MLF1: variants seen among roughly 807,000 people sequenced by gnomAD.
MLF1 encodes myelodysplasia-myeloid leukemia factor 1.
In MLF1, 37 loss-of-function variants were observed where a neutral mutation model predicts 38.3. That is an observed-to-expected ratio of 0.96 (90% confidence interval 0.74 to 1.27). MLF1 has a LOEUF of 1.27. Among genes scored for constraint, MLF1 ranks in the 50% most tolerant of loss-of-function variants. The pLI, the probability that MLF1 is intolerant of heterozygous loss-of-function variation, is 0.00. For synonymous variants in MLF1, 95 were observed against 106.5 expected (o/e 0.89, Z 0.66); for missense variants, 331 against 349.2 (o/e 0.95, Z 0.42).
intron 6 of MLF1, among the ~76,000 whole-genome samples, chr3:158,601,630 G>A (rs147798553): frequency 2.6e-5 from 4 of 151,410 alleles, no homozygotes; most frequent in South Asian, 4.2e-4. Flanking sequence ...GGTGGCCCGC[G>A]CCTGTAATCC....
intron 1 of MLF1, among the ~76,000 whole-genome samples, chr3:158,576,108 T>C (rs971080593): frequency 1.3e-5 from 2 of 152,196 alleles, no homozygotes; most frequent in African/African-American, 4.8e-5. Flanking sequence ...TAACAGTGCA[T>C]CTTAAATGTT....
chr3:158,575,198 A>G (rs1022913134), intron 1 of MLF1, among the ~76,000 whole-genome samples: 1 of 152,304 alleles, frequency 6.6e-6, no homozygotes. Flanking sequence ...GCAAGGAGCC[A>G]TATCATAAAA....
chr3:158,584,813 A>G (rs1716979762), intron 1 of MLF1, among the ~76,000 whole-genome samples: 1 of 151,906 alleles, frequency 6.6e-6, no homozygotes, highest in East Asian at 1.9e-4. Context: ...GCCACACGTA[A>G]AATACACTAA....
intron 1 of MLF1, among the ~76,000 whole-genome samples, chr3:158,591,946 A>T (rs1298592806): frequency 6.6e-6 from 1 of 152,184 alleles, no homozygotes; most frequent in African/African-American, 2.4e-5. Context: ...TAACGATAAG[A>T]TTACATTCCA....
In MLF1 at chr3:158,579,426, G is replaced by T. The variant is rs537402156; in HGVS notation, c.47+8079G>T. On this transcript the variant is annotated intron_variant, in intron 1 of 7. Coordinates refer to ENST00000466246, the MANE Select transcript of MLF1 (RefSeq NM_001369783.1). The stretch of plus-strand genomic sequence containing the variant: ...GCCAGATTTCTTCCTGAATGGTTCA[G>T]ACAGTTGCAAACACCAGACTATAGG... Among the ~76,000 whole-genome samples the T allele has an allele frequency of 2.6e-5, 4 of 152,308 alleles. No individual in the cohort carries two copies. The South Asian group carries it at 8.3e-4, about 32-fold the overall frequency.
intron 1 of MLF1, among the ~76,000 whole-genome samples, chr3:158,578,726 A>G (rs972502301): frequency 3.3e-5 from 5 of 152,160 alleles, no homozygotes; most frequent in Non-Finnish European, 7.4e-5. Flanking sequence ...TGTGTGAGCA[A>G]TTCTAAGAGA....
At chr3:158,596,737 G>T in intron 3 of MLF1, 125 bp from the exon 4 acceptor site, 1 of 555,046 alleles carries the variant, frequency 1.8e-6, no homozygotes, top group African/African-American at 1.9e-5. Flanking sequence ...TCTTTGTCTG[G>T]TTGATTACTG....
intron 6 of MLF1, among the ~76,000 whole-genome samples, chr3:158,601,167 G>A (rs1248440882): frequency 6.6e-6 from 1 of 152,086 alleles, no homozygotes. Context: ...GGGCACGGTG[G>A]CTCATGCCTG....
rs1234290853 is a variant in MLF1, at chr3:158,600,060, A to G, written c.500A>G (p.Glu167Gly). The G allele has an allele frequency of 1.4e-6, 2 of 1,456,212 alleles. No homozygotes were observed. The highest frequency in any genetic ancestry group is 1.8e-6 in the Non-Finnish European group (2 of 1,096,156). The allele number at this position is 1,456,212 out of a possible 1,614,324, so 90.2% of individuals were successfully genotyped here. ...KAMRDSDSGLEKMAIGHHIHD... is the reference protein window; with the variant it reads ...KAMRDSDSGLGKMAIGHHIHD... ...ATGAGAGATTCTGACAGTGGACTAGAAAAAATGGCTATTGGTCATCATATC... is the reference window on the plus strand; with the variant it reads ...ATGAGAGATTCTGACAGTGGACTAGGAAAAATGGCTATTGGTCATCATATC... The change falls in exon 6 of 8, where the codon GAA becomes GGA. Residue 167 changes from glutamate to glycine, a missense_variant. Transcript: ENST00000466246.
chr3:158,600,158 A>G lies in MLF1; in HGVS notation c.598A>G (p.Ile200Val), dbSNP rs995313213. 6.9e-7 allele frequency: 1 copy of G among 1,440,248 alleles called. No homozygotes were observed. Among genetic ancestry groups the G allele is most frequent in the Non-Finnish European group, 9.1e-7 (1 of 1,092,910 alleles). The allele number at this position is 1,440,248 out of a possible 1,614,324, so 89.2% of individuals were successfully genotyped here. The change falls in exon 6 of 8, where the codon ATC becomes GTC. Residue 200 changes from isoleucine (I) to valine (V), a missense_variant. Coordinates refer to ENST00000466246, the MANE Select transcript of MLF1 (RefSeq NM_001369783.1). ...TGDEEVNQEF[I>V]NMNESDAHAF... ...AGATGAAGAGGTCAACCAGGAGTTC[A>G]TCAATATGAATGAAAGTAAGTTATC...
Position 158,605,392 on chromosome 3 carries a change from C to T in MLF1, c.*190C>T, listed in dbSNP as rs1424109723. On this transcript the variant is annotated 3_prime_UTR_variant, in exon 8 of 8. Transcript: ENST00000466246. ...CTTTTAGGAATAAAATTTTGATTTT[C>T]AACAATGTGAGTAAATTGAGTCTAT... The T allele has an allele frequency of 9.5e-6, 4 of 421,542 alleles. No individual in the cohort carries two copies. The highest frequency in any genetic ancestry group is 1.7e-5 in the Non-Finnish European group (4 of 235,536). 26.1% of individuals were successfully genotyped at this position (421,542 alleles called of 1,614,324 possible). A position where few individuals can be genotyped will look rare whatever the true frequency, so the allele number is the denominator to read the frequency against.
At chr3:158,588,232 A>T (rs951068206) in intron 1 of MLF1, among the ~76,000 whole-genome samples, 9 of 152,180 alleles carry the variant, frequency 5.9e-5, no homozygotes, top group Non-Finnish European at 1.2e-4. Context: ...GCCTCAACTG[A>T]TAACTTCATT....
Position 158,594,428 on chromosome 3 carries a change from T to C in MLF1, c.240+1002T>C, listed in dbSNP as rs1259099417. On this transcript the variant is annotated intron_variant, in intron 3 of 7. Coordinates refer to ENST00000466246, the MANE Select transcript of MLF1 (RefSeq NM_001369783.1). ...CCTGGAGTATGAGTTGAACAGTAGA[T>C]ACTGATGAGGAAGAAGAGGTAACCA... 5.9e-5 allele frequency among the ~76,000 whole-genome samples: 9 copies of C among 151,946 alleles called. No individual in the cohort carries two copies. In the East Asian group the frequency reaches 1.7e-3, roughly 29 times the overall value.
In MLF1 at chr3:158,598,201, C is replaced by T; in HGVS notation, c.446C>T (p.Pro149Leu). 3 of 1,612,230 alleles carry T rather than the reference C, an allele frequency of 1.9e-6. No homozygotes were observed. Among genetic ancestry groups the T allele is most frequent in the Non-Finnish European group, 2.5e-6 (3 of 1,179,556 alleles). Residue 149 changes from proline to leucine, a missense_variant, in exon 5 of 8, where the codon CCA (proline) becomes CTA (leucine). Pro to Leu is a moderately conservative substitution (Grantham distance 98, BLOSUM62 -3). Coordinates refer to ENST00000466246, the MANE Select transcript of MLF1 (RefSeq NM_001369783.1). ...GCCTCAACTCAAACTCGTCGAGCTC[C>T]AGGAGGAGTAAGTTTTCTATAAGCA... ...FQASTQTRRA[P>L]GGIKETRKAM...
At position 158,596,856 on chromosome 3, in the gene MLF1, C is replaced by A; in HGVS notation, c.241-6C>A. 2 of 1,589,630 alleles carry A rather than the reference C, an allele frequency of 1.3e-6. No homozygotes were observed. The highest frequency in any genetic ancestry group is 1.1e-5 in the South Asian group (1 of 89,454). ...AGTTAATAACATACTTCCTGATATT[C>A]TGTAGCATACAGATGTCAGCTCTTT... On this transcript the variant is annotated splice_region_variant and splice_polypyrimidine_tract_variant and intron_variant, in intron 3 of 7. Coordinates refer to ENST00000466246, the MANE Select transcript of MLF1 (RefSeq NM_001369783.1).
At chr3:158,602,786 T>C in intron 6 of MLF1, 21 bp from the exon 7 acceptor site, 4 of 1,611,182 alleles carry the variant, frequency 2.5e-6, no homozygotes, top group Non-Finnish European at 3.4e-6. Context: ...CTTATTCCCA[T>C]TATTTTTCTG....
At chr3:158,591,650 G>A (rs1460248494) in intron 1 of MLF1, among the ~76,000 whole-genome samples, 1 of 151,976 alleles carries the variant, frequency 6.6e-6, no homozygotes, top group East Asian at 1.9e-4. Flanking sequence ...CTCCAATCAT[G>A]GTGTACCTTA....
chr3:158,574,523 A>AAAAAAAAAAAAAAAAAAAAC (rs1553830589), intron 1 of MLF1, among the ~76,000 whole-genome samples: 1 of 115,698 alleles, frequency 8.6e-6, no homozygotes. Flanking sequence ...AAAAAAAAAA[A>AAAAAAAAAAAAAAAAAAAAC]AAAATACAAA....
intron 1 of MLF1, among the ~76,000 whole-genome samples, chr3:158,578,750 C>T (rs887770698): frequency 1.3e-5 from 2 of 152,066 alleles, no homozygotes; most frequent in African/African-American, 4.8e-5. Flanking sequence ...GGTATATAGT[C>T]ATCAGTGAGT....
Sources: gnomAD v4.1 joint callset for allele counts (sites outside exome capture counted in the v4.1 genomes callset) on GRCh38, gnomAD v4.1.1 for gene constraint, MANE v1.5 for transcripts, NCBI Gene and HGNC (gene_info 2026-07-23, HGNC 2026-07-21) for gene names.